MCC: variants seen among roughly 807,000 people sequenced by gnomAD.
MCC encodes the protein colorectal mutant cancer protein.
MCC carries 90 observed loss-of-function variants against 116.2 expected under a neutral mutation model. That is an observed-to-expected ratio of 0.77 (90% CI 0.65 to 0.92). The LOEUF (loss-of-function observed/expected upper bound fraction) is 0.92, where lower values mean the gene tolerates loss of function less well. Ranked by LOEUF, MCC falls within the 40% of genes least tolerant of loss-of-function variation. The pLI, the probability that MCC is intolerant of heterozygous loss-of-function variation, is 0.00. For synonymous variants in MCC, 578 were observed against 510.5 expected (o/e 1.13, Z -1.78); for missense variants, 1,516 against 1,312.2 (o/e 1.16, Z -2.40).
At chr5:113,107,640 G>T (rs1360786746) in intron 6 of MCC, among the ~76,000 whole-genome samples, 1 of 152,198 alleles carries the variant, frequency 6.6e-6, no homozygotes, top group East Asian at 1.9e-4. Flanking sequence ...TCTGGTGCAG[G>T]TCTCCTGGTA....
At chr5:113,068,232 C>A (rs1049108182) in intron 12 of MCC, 49 bp from the exon 13 acceptor site, 1 of 1,438,126 alleles carries the variant, frequency 7.0e-7, no homozygotes, top group Admixed American at 1.7e-5. Flanking sequence ...ACAGCGGACA[C>A]CTTCAATGTG....
At chr5:113,092,425 T>C (rs1341114097) in intron 8 of MCC, among the ~76,000 whole-genome samples, 1 of 152,234 alleles carries the variant, frequency 6.6e-6, no homozygotes, top group African/African-American at 2.4e-5. Context: ...ACTTTCATTT[T>C]AGTGAATGAG....
intron 1 of MCC, among the ~76,000 whole-genome samples, chr5:113,425,703 G>A (rs1349597324): frequency 2.0e-5 from 3 of 152,062 alleles, no homozygotes; most frequent in South Asian, 2.1e-4. Context: ...AGAAGCAAAC[G>A]TGAGAAGAAT....
chr5:113,455,132 C>T (rs1272712521), intron 1 of MCC, among the ~76,000 whole-genome samples: 1 of 152,198 alleles, frequency 6.6e-6, no homozygotes, highest in Non-Finnish European at 1.5e-5. Flanking sequence ...TTCAAAAGTA[C>T]TGAGATCCCA....
chr5:113,282,740 A>G (rs1352225704), intron 3 of MCC, among the ~76,000 whole-genome samples: 1 of 152,160 alleles, frequency 6.6e-6, no homozygotes, highest in East Asian at 1.9e-4. Context: ...TTATTCAAAT[A>G]CTTCATCAAA....
At chr5:113,458,242 G>A (rs573863732) in intron 1 of MCC, among the ~76,000 whole-genome samples, 3 of 152,280 alleles carry the variant, frequency 2.0e-5, no homozygotes, top group South Asian at 2.1e-4. Context: ...TTTATGAGCT[G>A]TAACACTCAC....
intron 4 of MCC, 97 bp downstream of exon 4, chr5:113,151,212 T>C: frequency 2.8e-6 from 2 of 720,298 alleles, no homozygotes; most frequent in South Asian, 1.9e-5. Context: ...AAGCTGTAAT[T>C]TGTTTTGTGG....
intron 3 of MCC, among the ~76,000 whole-genome samples, chr5:113,210,873 G>A (rs1439321926): frequency 6.6e-6 from 1 of 152,148 alleles, no homozygotes; most frequent in Non-Finnish European, 1.5e-5. Flanking sequence ...ATGTTCTGCT[G>A]TCACTTGAAA....
At position 113,402,323 on chromosome 5, in the gene MCC, A is replaced by G. The variant is rs892753276; in HGVS notation, c.171-17111T>C. On this transcript the variant is annotated intron_variant, in intron 1 of 18. Coordinates refer to ENST00000408903, the MANE Select transcript of MCC (RefSeq NM_001085377.2). ...AAAAAAAAAAAAAACACACTCAGCT[A>G]ATTTTTTTAATTCTGTGTAAAGATG... Among the ~76,000 whole-genome samples the G allele has an allele frequency of 2.7e-5, 4 of 147,694 alleles. No individual in the cohort carries two copies. In the Admixed American group the frequency reaches 2.7e-4, roughly 10 times the overall value.
At position 113,347,626 on chromosome 5, in the gene MCC, C is replaced by A. The variant is rs576769827; in HGVS notation, c.416-6896G>T. ...TAAACCACACCACCAGAGAAAATTACCTTCACCAAAAGGAAGACAGAAAGG... is the reference window on the plus strand; with the variant it reads ...TAAACCACACCACCAGAGAAAATTAACTTCACCAAAAGGAAGACAGAAAGG... On this transcript the variant is annotated intron_variant, in intron 2 of 18. Coordinates refer to ENST00000408903, the MANE Select transcript of MCC (RefSeq NM_001085377.2). 7.2e-5 allele frequency among the ~76,000 whole-genome samples: 11 copies of A among 151,994 alleles called. No individual in the cohort carries two copies. The Middle Eastern group carries it at 0.01, about 142-fold the overall frequency.
chr5:113,176,837 C>T (rs1335441271), intron 3 of MCC, among the ~76,000 whole-genome samples: 1 of 152,070 alleles, frequency 6.6e-6, no homozygotes, highest in African/African-American at 2.4e-5. Flanking sequence ...GGAAACCATC[C>T]ACTCCTCCCC....
At chr5:113,228,548 A>G (rs1430096199) in intron 3 of MCC, among the ~76,000 whole-genome samples, 1 of 152,162 alleles carries the variant, frequency 6.6e-6, no homozygotes, top group Non-Finnish European at 1.5e-5. Flanking sequence ...TGACCAATGT[A>G]TCTGGGGCAG....
At chr5:113,224,988 G>A (rs1763681131) in intron 3 of MCC, among the ~76,000 whole-genome samples, 1 of 152,156 alleles carries the variant, frequency 6.6e-6, no homozygotes, top group Non-Finnish European at 1.5e-5. Context: ...CCTGTTCCTA[G>A]TTGATCTTAT....
intron 3 of MCC, among the ~76,000 whole-genome samples, chr5:113,163,310 TAA>T (rs1449956978): frequency 6.6e-6 from 1 of 152,140 alleles, no homozygotes; most frequent in African/African-American, 2.4e-5. Flanking sequence ...TCAAAAATAA[TAA>T]GTTTTTGAAT....
chr5:113,396,558 C>A (rs1486785850), intron 1 of MCC, among the ~76,000 whole-genome samples: 1 of 152,034 alleles, frequency 6.6e-6, no homozygotes, highest in Non-Finnish European at 1.5e-5. Flanking sequence ...ATTGCTTGAA[C>A]CTAAGATGCA....
At chr5:113,451,462 C>A (rs1013091111) in intron 1 of MCC, among the ~76,000 whole-genome samples, 17 of 152,182 alleles carry the variant, frequency 1.1e-4, no homozygotes, top group African/African-American at 4.1e-4. Flanking sequence ...AGGCTGGGTG[C>A]GGTGACTCAT....
intron 1 of MCC, among the ~76,000 whole-genome samples, chr5:113,407,701 C>A (rs1008146961): frequency 1.3e-5 from 2 of 152,124 alleles, no homozygotes; most frequent in African/African-American, 4.8e-5. Flanking sequence ...CATAGGTATA[C>A]GTGTGCCATG....
At chr5:113,334,370 G>A (rs1247547740) in intron 3 of MCC, among the ~76,000 whole-genome samples, 1 of 150,802 alleles carries the variant, frequency 6.6e-6, no homozygotes, top group Non-Finnish European at 1.5e-5. Flanking sequence ...ACCACGCCCA[G>A]CTAATATTTG....
At chr5:113,438,834 C>A (rs1580376509) in intron 1 of MCC, among the ~76,000 whole-genome samples, 2 of 152,054 alleles carry the variant, frequency 1.3e-5, no homozygotes, top group African/African-American at 4.8e-5. Flanking sequence ...ATATGAATGT[C>A]ATAATATATA....
Sources: gnomAD v4.1 joint callset for allele counts (sites outside exome capture counted in the v4.1 genomes callset) on GRCh38, gnomAD v4.1.1 for gene constraint, MANE v1.5 for transcripts, NCBI Gene and HGNC (gene_info 2026-07-23, HGNC 2026-07-21) for gene names.